Variants in UMAD1 observed in about 807,000 individuals in gnomAD.
UMAD1 encodes UBAP1-MVB12-associated (UMA)-domain containing protein 1.
In UMAD1, 8 loss-of-function variants were observed where a neutral mutation model predicts 6.1. That is an observed-to-expected ratio of 1.30 (90% CI 0.76 to 2.35). UMAD1 has a LOEUF of 2.35. Ranked by LOEUF, UMAD1 falls within the 30% of genes most tolerant of loss-of-function variation. UMAD1 has a pLI of 0.00. For synonymous variants in UMAD1, 56 were observed against 31.4 expected, an observed-to-expected ratio of 1.78 and a Z score of -2.61; for missense variants, 130 against 78.4, an observed-to-expected ratio of 1.66 and a Z score of -2.49.
intron 3 of UMAD1, among the ~76,000 whole-genome samples, chr7:7,834,623 G>C (rs796427489): frequency 2.0e-5 from 3 of 152,052 alleles, no homozygotes; most frequent in African/African-American, 7.2e-5. Flanking sequence ...TTCACAGGCA[G>C]AGAAAGAACT....
At chr7:7,727,897 G>A (rs187480324) in intron 2 of UMAD1, among the ~76,000 whole-genome samples, 143 of 152,174 alleles carry the variant, frequency 9.4e-4, no homozygotes, top group Admixed American at 2.3e-3. Context: ...ATATGATTGT[G>A]TGATTTAATG....
intron 3 of UMAD1, among the ~76,000 whole-genome samples, chr7:7,845,067 C>T (rs1283261287): frequency 6.6e-6 from 1 of 151,978 alleles, no homozygotes; most frequent in Admixed American, 6.6e-5. Context: ...TCACATGTGG[C>T]TATTGAACAT....
intron 1 of UMAD1, among the ~76,000 whole-genome samples, chr7:7,671,353 C>A (rs1779601077): frequency 6.6e-6 from 1 of 152,104 alleles, no homozygotes; most frequent in African/African-American, 2.4e-5. Flanking sequence ...AGTTGGAGAC[C>A]CACACCCTTA....
intron 2 of UMAD1, among the ~76,000 whole-genome samples, chr7:7,763,221 A>C (rs1192362463): frequency 6.6e-6 from 1 of 152,242 alleles, no homozygotes; most frequent in African/African-American, 2.4e-5. Context: ...AATTAAAGCC[A>C]ATGACATTTT....
intron 1 of UMAD1, among the ~76,000 whole-genome samples, chr7:7,656,171 ACTT>A (rs1182915954): frequency 2.6e-5 from 4 of 152,086 alleles, no homozygotes; most frequent in Middle Eastern, 6.3e-3. Flanking sequence ...TACCGCCACT[ACTT>A]TTATTCTTCT....
At chr7:7,737,432 C>G (rs1419599451) in intron 2 of UMAD1, among the ~76,000 whole-genome samples, 2 of 152,218 alleles carry the variant, frequency 1.3e-5, no homozygotes, top group Admixed American at 6.5e-5. Flanking sequence ...ACCACCAGTT[C>G]TTACCTTTGG....
At chr7:7,825,149 C>T (rs1281965913) in intron 3 of UMAD1, among the ~76,000 whole-genome samples, 8 of 151,916 alleles carry the variant, frequency 5.3e-5, no homozygotes, top group South Asian at 2.1e-4. Context: ...AGGAGGTGGG[C>T]GCAGGGGGGA....
chr7:7,779,506 A>G (rs374039043), intron 2 of UMAD1, among the ~76,000 whole-genome samples: 13 of 152,166 alleles, frequency 8.5e-5, no homozygotes, highest in African/African-American at 2.4e-4. Context: ...CTTGGCCTTA[A>G]GTGATCCTCC....
chr7:7,738,343 A>G (rs971795747), intron 2 of UMAD1, among the ~76,000 whole-genome samples: 2 of 152,208 alleles, frequency 1.3e-5, no homozygotes, highest in Non-Finnish European at 2.9e-5. Flanking sequence ...TGTATTCATC[A>G]AGTCATAAAA....
intron 1 of UMAD1, among the ~76,000 whole-genome samples, chr7:7,649,745 TC>T (rs1269584510): frequency 1.4e-5 from 2 of 140,248 alleles, no homozygotes; most frequent in Non-Finnish European, 3.1e-5. Context: ...TTTGTCTCTC[TC>T]CCCCCACCCA....
At chr7:7,665,014 TAC>T (rs563963870) in intron 1 of UMAD1, among the ~76,000 whole-genome samples, 28 of 148,036 alleles carry the variant, frequency 1.9e-4, no homozygotes, top group East Asian at 4.0e-4. Context: ...TATATATATA[TAC>T]ACACACACAC....
rs557536323 is a variant in UMAD1 at position 7,707,431 on chromosome 7, C to T, written c.82+33978C>T. ...GTTTCTAGCACCATCAGCAATGTTA[C>T]CTTGGGTAAATCATTTAAACATGTT... On this transcript the variant is annotated intron_variant, in intron 2 of 3. Transcript: ENST00000682710. Among the ~76,000 whole-genome samples the T allele has an allele frequency of 2.0e-5, 3 of 152,262 alleles. No individual in the cohort carries two copies. The East Asian group carries it at 5.8e-4, about 29-fold the overall frequency.
intron 1 of UMAD1, among the ~76,000 whole-genome samples, chr7:7,657,742 G>T (rs150044097): frequency 0.017 from 2,610 of 152,288 alleles, 74 homozygotes; most frequent in African/African-American, 0.06. Flanking sequence ...AAGTCAGGTA[G>T]TGTGATGCCT....
chr7:7,791,797 C>T (rs1220401813), intron 2 of UMAD1, among the ~76,000 whole-genome samples: 1 of 152,132 alleles, frequency 6.6e-6, no homozygotes, highest in Non-Finnish European at 1.5e-5. Context: ...TTCAGTGTGG[C>T]CCAATGCTTT....
At chr7:7,723,311 G>C (rs1320719515) in intron 2 of UMAD1, among the ~76,000 whole-genome samples, 2 of 152,158 alleles carry the variant, frequency 1.3e-5, no homozygotes, top group African/African-American at 4.8e-5. Flanking sequence ...AGATCAAGCT[G>C]AATTTATTGA....
chr7:7,689,518 C>T (rs1780123017), intron 2 of UMAD1: 1 of 152,164 alleles, frequency 6.6e-6, no homozygotes, highest in Non-Finnish European at 1.5e-5. Context: ...GTTTATGTTA[C>T]TTGCAGCTGA....
chr7:7,641,354 A>G (rs990944568), intron 1 of UMAD1: 1 of 152,128 alleles, frequency 6.6e-6, no homozygotes, highest in African/African-American at 2.4e-5. Flanking sequence ...GACAAGCTTA[A>G]ATCGTTGTTA....
At chr7:7,802,722 A>G (rs1234912126) in intron 3 of UMAD1, among the ~76,000 whole-genome samples, 3 of 152,216 alleles carry the variant, frequency 2.0e-5, no homozygotes, top group Admixed American at 1.3e-4. Flanking sequence ...TGCTGCATAC[A>G]ACTAGAGGGA....
chr7:7,797,673 G>A (rs1274070976), intron 2 of UMAD1, among the ~76,000 whole-genome samples: 2 of 151,406 alleles, frequency 1.3e-5, no homozygotes, highest in Admixed American at 1.3e-4. Flanking sequence ...TCCTTATATA[G>A]CTAAAACATC....
Sources: allele counts gnomAD v4.1 joint callset (sites outside exome capture counted in the v4.1 genomes callset), GRCh38; gene constraint gnomAD v4.1.1; transcripts MANE v1.5; gene names NCBI Gene and HGNC (gene_info 2026-07-23, HGNC 2026-07-21).